ANKH: variants seen among roughly 807,000 people sequenced by gnomAD.
The protein encoded by ANKH is mineralization regulator ANKH.
In ANKH, 15 loss-of-function variants were observed where a neutral mutation model predicts 49.0. That is an observed-to-expected ratio of 0.31 (90% CI 0.20 to 0.47). The LOEUF is 0.47. Ranked by LOEUF, ANKH falls within the 20% of genes least tolerant of loss-of-function variation. The pLI is 1.00. For synonymous variants in ANKH, 273 were observed against 260.0 expected (o/e 1.05, Z -0.48); for missense variants, 429 against 652.0 (o/e 0.66, Z 3.72).
At chr5:14,837,315 C>T (rs1741683901) in intron 1 of ANKH, among the ~76,000 whole-genome samples, 1 of 152,140 alleles carries the variant, frequency 6.6e-6, no homozygotes, top group Non-Finnish European at 1.5e-5. Context: ...GCAAAAGAAA[C>T]TACCATCAGA....
chr5:14,832,107 A>G (rs1327923040), intron 1 of ANKH, among the ~76,000 whole-genome samples: 1 of 152,184 alleles, frequency 6.6e-6, no homozygotes, highest in Non-Finnish European at 1.5e-5. Context: ...TAAGAAAAGC[A>G]ATTTTTAATC....
intron 1 of ANKH, among the ~76,000 whole-genome samples, chr5:14,826,248 G>T (rs777258095): frequency 6.6e-6 from 1 of 152,204 alleles, no homozygotes; most frequent in African/African-American, 2.4e-5. Flanking sequence ...ATTAATGGGT[G>T]CTGTATTAGG....
rs12522848 is a variant in ANKH, at chr5:14,821,852, G to A, written c.96+49500C>T. 7.0e-3 allele frequency among the ~76,000 whole-genome samples: 1,059 copies of A among 152,224 alleles called. 53 individuals carry two copies. Among genetic ancestry groups the A allele is most frequent in the Admixed American group, 0.063 (961 of 15,286 alleles). Reference sequence around the variant, plus strand: ...TGATGTGGATTTTTAATTTCCTTCAGGAAATGACTAACATTAGATCAGTGT... The same window carrying A: ...TGATGTGGATTTTTAATTTCCTTCAAGAAATGACTAACATTAGATCAGTGT... On this transcript the variant is annotated intron_variant, in intron 1 of 11. Transcript: ENST00000284268.
rs1038911358 is a variant in ANKH, at chr5:14,704,902, A to T, written c.*6295T>A. Reference sequence around the variant, plus strand: ...AAATCCATAAACCCTGAAACAAAGCATATATAAATGCTCTTACCAATGCAA... The same window carrying T: ...AAATCCATAAACCCTGAAACAAAGCTTATATAAATGCTCTTACCAATGCAA... On this transcript the variant is annotated 3_prime_UTR_variant, in exon 12 of 12. Transcript: ENST00000284268. 2.6e-5 allele frequency: 4 copies of T among 152,260 alleles called. No homozygotes were observed. Among genetic ancestry groups the T allele is most frequent in the Non-Finnish European group, 5.9e-5 (4 of 68,048 alleles). 9.4% of individuals were successfully genotyped at this position (152,260 alleles called of 1,614,324 possible). A position where few individuals can be genotyped will look rare whatever the true frequency, so the allele number is the denominator to read the frequency against.
chr5:14,734,838 T>C (rs897908634), intron 8 of ANKH, among the ~76,000 whole-genome samples: 2 of 152,250 alleles, frequency 1.3e-5, no homozygotes, highest in African/African-American at 4.8e-5. Context: ...GCCAAATCAA[T>C]TACCCTTTAT....
Position 14,713,290 on chromosome 5 carries a change from C to T in ANKH, c.1265+254G>A, listed in dbSNP as rs550360443. 4.6e-5 allele frequency among the ~76,000 whole-genome samples: 7 copies of T among 152,262 alleles called. No individual in the cohort carries two copies. Among genetic ancestry groups the T allele is most frequent in the South Asian group, 2.1e-4 (1 of 4,810 alleles). On this transcript the variant is annotated intron_variant, in intron 10 of 11. Coordinates refer to ENST00000284268, the MANE Select transcript of ANKH (RefSeq NM_054027.6). The surrounding 1 kb of genome is among the most constrained non-coding windows in gnomAD (Gnocchi z 4.4). ...TTCATGTCCAGCATACGTTCAAGCC[C>T]GTGCAGGGCCGGCCATGCCCTGACA...
At chr5:14,767,866 A>G (rs969448753) in intron 2 of ANKH, among the ~76,000 whole-genome samples, 1 of 152,198 alleles carries the variant, frequency 6.6e-6, no homozygotes. Flanking sequence ...ATACAAGTAC[A>G]TGTGCAAATA....
At chr5:14,742,378 C>T (rs1056614248) in intron 7 of ANKH, among the ~76,000 whole-genome samples, 3 of 152,208 alleles carry the variant, frequency 2.0e-5, no homozygotes, top group South Asian at 2.1e-4. Context: ...CATTCAAGGC[C>T]TTGTGCAATC....
intron 1 of ANKH, among the ~76,000 whole-genome samples, chr5:14,786,329 A>G (rs1399316995): frequency 6.6e-6 from 1 of 152,244 alleles, no homozygotes; most frequent in East Asian, 1.9e-4. Flanking sequence ...ATGAGAAGAC[A>G]TAATGTCATA....
intron 1 of ANKH, among the ~76,000 whole-genome samples, chr5:14,785,655 A>T (rs1313345576): frequency 3.3e-5 from 5 of 152,214 alleles, no homozygotes; most frequent in Non-Finnish European, 7.3e-5. Flanking sequence ...TGAAATTGAA[A>T]CTGTTATTTT....
chr5:14,812,286 T>C (rs1740908735), intron 1 of ANKH, among the ~76,000 whole-genome samples: 2 of 152,130 alleles, frequency 1.3e-5, no homozygotes, highest in African/African-American at 4.8e-5. Flanking sequence ...GTAGTCAAGT[T>C]TGGAGCAGAT....
intron 1 of ANKH, among the ~76,000 whole-genome samples, chr5:14,816,917 G>A (rs781337662): frequency 6.6e-6 from 1 of 152,198 alleles, no homozygotes; most frequent in Non-Finnish European, 1.5e-5. Flanking sequence ...CTTTTACCTC[G>A]TTGCACAGAT....
intron 3 of ANKH, 138 bp from the exon 4 acceptor site, chr5:14,756,082 T>C (rs1738875665): frequency 1.3e-6 from 1 of 770,492 alleles, no homozygotes; most frequent in Middle Eastern, 2.3e-4. Context: ...GATAAATCTT[T>C]GGTTGGTAAA....
At chr5:14,822,106 C>A (rs1017547333) in intron 1 of ANKH, among the ~76,000 whole-genome samples, 1 of 152,174 alleles carries the variant, frequency 6.6e-6, no homozygotes, top group Non-Finnish European at 1.5e-5. Context: ...ACCCTGCTGT[C>A]CAATACAGCA....
intron 1 of ANKH, among the ~76,000 whole-genome samples, chr5:14,812,117 TAAAAAA>T (rs55728743): frequency 4.0e-5 from 5 of 126,556 alleles, no homozygotes; most frequent in Non-Finnish European, 8.2e-5. Context: ...GTATTTATCT[TAAAAAA>T]AAAAAAAAAA....
At position 14,713,336 on chromosome 5, in the gene ANKH, C is replaced by T. The variant is rs1323505883; in HGVS notation, c.1265+208G>A. 2.6e-5 allele frequency among the ~76,000 whole-genome samples: 4 copies of T among 152,198 alleles called. No individual in the cohort carries two copies. The highest frequency in any genetic ancestry group is 7.2e-5 in the African/African-American group (3 of 41,446). On this transcript the variant is annotated intron_variant, in intron 10 of 11. Coordinates refer to ENST00000284268, the MANE Select transcript of ANKH (RefSeq NM_054027.6). This position sits in a 1 kb window ranked among gnomAD's most constrained non-coding sequence, Gnocchi z 4.4. ...TGACAGGAGCTCAGTGGCTATTATT[C>T]GTGTCTGGGCCTGATTTCAAAAGCA...
intron 1 of ANKH, among the ~76,000 whole-genome samples, chr5:14,773,820 C>T (rs1193791366): frequency 6.6e-6 from 1 of 152,192 alleles, no homozygotes; most frequent in Non-Finnish European, 1.5e-5. Flanking sequence ...GTAAACACTC[C>T]ATTATTTGTT....
At chr5:14,847,107 G>A (rs1741985998) in intron 1 of ANKH, among the ~76,000 whole-genome samples, 1 of 151,664 alleles carries the variant, frequency 6.6e-6, no homozygotes, top group Non-Finnish European at 1.5e-5. Context: ...AAGGCAAAAA[G>A]CGTTGCTCTT....
chr5:14,851,029 A>G (rs115699006), intron 1 of ANKH, among the ~76,000 whole-genome samples: 45 of 152,272 alleles, frequency 3.0e-4, no homozygotes, highest in African/African-American at 1.0e-3. Flanking sequence ...AGCAGTGTAT[A>G]TAAGAAGAGA....
Sources: gnomAD v4.1 joint callset for allele counts (sites outside exome capture counted in the v4.1 genomes callset) on GRCh38, gnomAD v4.1.1 for gene constraint, Gnocchi (gnomAD v3.1) non-coding constraint, MANE v1.5 for transcripts, NCBI Gene and HGNC (gene_info 2026-07-23, HGNC 2026-07-21) for gene names.